The following PTPRD variants were observed in gnomAD, a reference collection of about 807,000 sequenced individuals.
PTPRD encodes receptor-type tyrosine-protein phosphatase delta.
Under a neutral mutation model 214.5 loss-of-function variants are expected in PTPRD, and 34 were observed. The ratio of observed to expected loss-of-function variants is 0.16; its 90% CI spans 0.12 to 0.21. The LOEUF is 0.21. Ranked by LOEUF, PTPRD falls within the 10% of genes least tolerant of loss-of-function variation. The probability of loss-of-function intolerance (pLI) is 1.00; values close to 1 mark genes in which losing one functional copy is unlikely to be tolerated. For synonymous variants in PTPRD, 1,128 were observed against 845.7 expected (o/e 1.33, Z -5.79); for missense variants, 2,545 against 2,398.7 (o/e 1.06, Z -1.27).
intron 8 of PTPRD, among the ~76,000 whole-genome samples, chr9:9,518,727 A>G (rs186105304): frequency 6.6e-6 from 1 of 152,168 alleles, no homozygotes; most frequent in East Asian, 1.9e-4. Context: ...AATGCATGCC[A>G]GTTTAACAGA....
At chr9:8,584,333 T>G (rs1467606492) in intron 14 of PTPRD, among the ~76,000 whole-genome samples, 2 of 152,096 alleles carry the variant, frequency 1.3e-5, no homozygotes, top group Non-Finnish European at 2.9e-5. Flanking sequence ...TGGTCACATC[T>G]TGCAACCAAA....
chr9:9,788,277 C>T (rs2098940663), intron 5 of PTPRD, among the ~76,000 whole-genome samples: 2 of 151,596 alleles, frequency 1.3e-5, no homozygotes, highest in South Asian at 4.2e-4. Flanking sequence ...TCTGGCCGGG[C>T]GCGGTGACTC....
At chr9:8,946,753 A>G (rs2099067149) in intron 11 of PTPRD, among the ~76,000 whole-genome samples, 1 of 152,176 alleles carries the variant, frequency 6.6e-6, no homozygotes, top group Non-Finnish European at 1.5e-5. Flanking sequence ...GGAGAAGGAA[A>G]GTATCATGCA....
At chr9:9,631,787 A>G (rs957249024) in intron 7 of PTPRD, among the ~76,000 whole-genome samples, 3 of 152,192 alleles carry the variant, frequency 2.0e-5, no homozygotes, top group Non-Finnish European at 4.4e-5. Flanking sequence ...ATGGAAAAAT[A>G]ATCAGAGCCT....
intron 3 of PTPRD, among the ~76,000 whole-genome samples, chr9:10,337,598 T>TA (rs964459928): frequency 3.3e-5 from 5 of 151,724 alleles, no homozygotes; most frequent in Admixed American, 1.3e-4. Context: ...TTTGGGAATT[T>TA]AAAAAAACCA....
chr9:8,484,591 C>A (rs1038986822), intron 29 of PTPRD, among the ~76,000 whole-genome samples: 2 of 122,260 alleles, frequency 1.6e-5, no homozygotes, highest in Non-Finnish European at 1.7e-5. Flanking sequence ...CCAAGTCTAT[C>A]AAAAATACAC....
intron 7 of PTPRD, among the ~76,000 whole-genome samples, chr9:9,727,572 G>C (rs1177430961): frequency 6.6e-6 from 1 of 152,244 alleles, no homozygotes; most frequent in Non-Finnish European, 1.5e-5. Flanking sequence ...CTTCCATGTA[G>C]TCCAATTATT....
chr9:9,917,610 T>C (rs890434850), intron 5 of PTPRD, among the ~76,000 whole-genome samples: 3 of 151,792 alleles, frequency 2.0e-5, no homozygotes, highest in African/African-American at 7.3e-5. Flanking sequence ...AACCATAATA[T>C]GAAAAGCAGA....
At chr9:8,690,787 G>A (rs2097786114) in intron 12 of PTPRD, among the ~76,000 whole-genome samples, 2 of 152,016 alleles carry the variant, frequency 1.3e-5, no homozygotes, top group African/African-American at 4.8e-5. Flanking sequence ...AACTCTTTTA[G>A]CAACTTAAAA....
At chr9:9,535,904 A>G (rs1347442937) in intron 8 of PTPRD, among the ~76,000 whole-genome samples, 1 of 152,042 alleles carries the variant, frequency 6.6e-6, no homozygotes, top group African/African-American at 2.4e-5. Context: ...CCTCAAAAAC[A>G]TTTTCACTTT....
intron 8 of PTPRD, among the ~76,000 whole-genome samples, chr9:9,423,139 T>C (rs1001096767): frequency 6.6e-5 from 10 of 152,158 alleles, no homozygotes; most frequent in Non-Finnish European, 1.0e-4. Context: ...ATAGAGTGAA[T>C]CTTCTCTGTA....
chr9:9,404,418 G>A (rs933832797), intron 8 of PTPRD, among the ~76,000 whole-genome samples: 1 of 151,974 alleles, frequency 6.6e-6, no homozygotes, highest in Admixed American at 6.6e-5. Flanking sequence ...TATTTTGAAG[G>A]TGGAACAAGA....
intron 2 of PTPRD, among the ~76,000 whole-genome samples, chr9:10,584,672 A>G (rs569345192): frequency 2.0e-5 from 3 of 152,282 alleles, no homozygotes; most frequent in South Asian, 2.1e-4. Flanking sequence ...GTGTCACTCA[A>G]TTGAATAATG....
At chr9:9,703,950 C>A (rs2097548458) in intron 7 of PTPRD, among the ~76,000 whole-genome samples, 1 of 152,078 alleles carries the variant, frequency 6.6e-6, no homozygotes, top group Non-Finnish European at 1.5e-5. Context: ...AGTGGCATAA[C>A]CACCACTCAC....
At chr9:10,154,339 T>C (rs985356893) in intron 3 of PTPRD, among the ~76,000 whole-genome samples, 37 of 152,190 alleles carry the variant, frequency 2.4e-4, no homozygotes, top group African/African-American at 8.7e-4. Context: ...GTAAATTTGT[T>C]TAAGTTCTTT....
At chr9:8,587,696 C>T (rs923341861) in intron 14 of PTPRD, among the ~76,000 whole-genome samples, 5 of 152,112 alleles carry the variant, frequency 3.3e-5, no homozygotes, top group South Asian at 4.1e-4. Context: ...CTGACCTCAA[C>T]GGCCTTGGAA....
At chr9:10,182,218 C>A (rs1409768563) in intron 3 of PTPRD, among the ~76,000 whole-genome samples, 4 of 137,666 alleles carry the variant, frequency 2.9e-5, no homozygotes, top group Non-Finnish European at 6.1e-5. Context: ...TGAGATCATG[C>A]CATCTTGTTC....
At chr9:8,633,198 A>C in intron 14 of PTPRD, 119 bp downstream of exon 14, 1 of 1,286,480 alleles carries the variant, frequency 7.8e-7, no homozygotes, top group Non-Finnish European at 1.1e-6. Context: ...AGTCTTACAA[A>C]CATTTAACTG....
At chr9:10,575,360 A>T (rs961593476) in intron 2 of PTPRD, among the ~76,000 whole-genome samples, 3 of 152,092 alleles carry the variant, frequency 2.0e-5, no homozygotes, top group Non-Finnish European at 4.4e-5. Context: ...AACATAAAAA[A>T]GTTCTTTCTC....
Sources: allele counts gnomAD v4.1 joint callset (sites outside exome capture counted in the v4.1 genomes callset), GRCh38; gene constraint gnomAD v4.1.1; transcripts MANE v1.5; gene names NCBI Gene and HGNC (gene_info 2026-07-23, HGNC 2026-07-21).